The following FILIP1L variants were observed in gnomAD, a reference collection of about 807,000 sequenced individuals.
FILIP1L encodes filamin A-interacting protein 1-like.
A neutral mutation model predicts 96.6 loss-of-function variants in FILIP1L; 55 were observed. The observed-to-expected ratio is 0.57, with a 90% confidence interval of 0.46 to 0.71. The LOEUF (loss-of-function observed/expected upper bound fraction) is 0.71, where lower values mean the gene tolerates loss of function less well. Among genes scored for constraint, FILIP1L ranks in the 30% least tolerant of loss-of-function variants. The probability of loss-of-function intolerance (pLI) is 0.00; values close to 1 mark genes in which losing one functional copy is unlikely to be tolerated. For synonymous variants in FILIP1L, 467 were observed against 473.9 expected, an observed-to-expected ratio of 0.99 and a Z score of 0.19; for missense variants, 1,304 against 1,321.2, an observed-to-expected ratio of 0.99 and a Z score of 0.20.
At chr3:99,937,995 CAAAT>C (rs1707734301) in intron 1 of FILIP1L, among the ~76,000 whole-genome samples, 1 of 152,052 alleles carries the variant, frequency 6.6e-6, no homozygotes, top group African/African-American at 2.4e-5. Flanking sequence ...ATAGCAAAGA[CAAAT>C]AAATTAATAT....
intron 5 of FILIP1L, among the ~76,000 whole-genome samples, chr3:99,847,288 TTAAG>T (rs1943408121): frequency 6.6e-6 from 1 of 150,914 alleles, no homozygotes; most frequent in Admixed American, 6.6e-5. Flanking sequence ...AGCACCTACA[TTAAG>T]TAATTCAAAC....
At chr3:100,044,144 G>T (rs575807309) in intron 1 of FILIP1L, among the ~76,000 whole-genome samples, 1 of 152,228 alleles carries the variant, frequency 6.6e-6, no homozygotes, top group Non-Finnish European at 1.5e-5. Context: ...TGAGATTTGG[G>T]TTCAAATCCT....
In FILIP1L at chr3:100,086,046, G is replaced by T. The variant is rs533893637; in HGVS notation, c.-11+28007C>A. On this transcript the variant is annotated intron_variant, in intron 1 of 5. Transcript: ENST00000477258. ...TCTGCATTTGAATAAAATATGATTC[G>T]TGTTAGAGAGCTAAACTTGATGTTT... is the stretch of plus-strand genomic sequence containing the variant. Among the ~76,000 whole-genome samples, 6 of 152,284 alleles carry T rather than the reference G, an allele frequency of 3.9e-5. No individual in the cohort carries two copies. In the South Asian group the frequency reaches 1.0e-3, roughly 26 times the overall value.
rs747334884 is a variant in FILIP1L, at chr3:99,929,980, G to T, written c.302C>A (p.Ala101Asp). The change falls in exon 3 of 6, where the codon GCT becomes GAT. Residue 101 changes from alanine (A) to aspartate (D), a missense_variant. By Grantham distance (126) the Ala-to-Asp change is moderately radical. Transcript: ENST00000477258. The part of the protein sequence containing the change: ...GILKAEKMDL[A>D]LLEAQYGFVT... The stretch of plus-strand genomic sequence containing the variant: ...AAACCCATACTGAGCTTCCAGCAAA[G>T]CCAGGTCCATTTTTTCAGCCTTTAA... The T allele has an allele frequency of 6.2e-7, 1 of 1,613,916 alleles. No homozygotes were observed. The highest frequency in any genetic ancestry group is 2.2e-5 in the East Asian group (1 of 44,858).
intron 4 of FILIP1L, among the ~76,000 whole-genome samples, chr3:99,912,107 T>A (rs1706808642): frequency 6.6e-6 from 1 of 152,246 alleles, no homozygotes; most frequent in South Asian, 2.1e-4. Flanking sequence ...TTGTTGGTCA[T>A]TTAAATCAAT....
chr3:99,947,630 C>T (rs937458222), intron 1 of FILIP1L, among the ~76,000 whole-genome samples: 1 of 152,208 alleles, frequency 6.6e-6, no homozygotes, highest in Non-Finnish European at 1.5e-5. Context: ...ATGACAGTGG[C>T]TGCAGGATTT....
At chr3:99,841,689 T>C (rs1158329867) in intron 5 of FILIP1L, among the ~76,000 whole-genome samples, 2 of 152,180 alleles carry the variant, frequency 1.3e-5, no homozygotes, top group African/African-American at 4.8e-5. Context: ...AATAGACAAT[T>C]CTCAAAAGAA....
rs141908535 is a variant in FILIP1L at position 100,082,925 on chromosome 3, G to A, written c.-11+31128C>T. 7.3e-3 allele frequency among the ~76,000 whole-genome samples: 1,104 copies of A among 152,252 alleles called. 4 individuals carry two copies. The highest frequency in any genetic ancestry group is 0.01 in the African/African-American group (422 of 41,560). ...ATTCCACAATCTGTAGAATTAGCTT[G>A]CCTGTGGTTTTGAAAAAAGAACAAA... On this transcript the variant is annotated intron_variant, in intron 1 of 5. Transcript: ENST00000477258.
chr3:100,061,952 CATTGTT>C (rs2065573931), intron 1 of FILIP1L, among the ~76,000 whole-genome samples: 3 of 152,086 alleles, frequency 2.0e-5, no homozygotes, highest in African/African-American at 7.2e-5. Context: ...AGAACATTCA[CATTGTT>C]ATGCAACCAA....
At chr3:99,902,876 G>A (rs556579349) in intron 4 of FILIP1L, among the ~76,000 whole-genome samples, 1 of 152,224 alleles carries the variant, frequency 6.6e-6, no homozygotes, top group African/African-American at 2.4e-5. Flanking sequence ...ATAGATTAAA[G>A]AGGAAAAAAA....
chr3:100,014,891 C>CTTTTTTTTTTTTTTTTTTTT (rs1710284139), intron 1 of FILIP1L, among the ~76,000 whole-genome samples: 4 of 27,226 alleles, frequency 1.5e-4, no homozygotes, highest in East Asian at 9.8e-4. Flanking sequence ...TTTTTTCTTT[C>CTTTTTTTTTTTTTTTTTTTT]TTTCTTTTTT....
chr3:99,957,232 C>T (rs2107696683), intron 1 of FILIP1L, among the ~76,000 whole-genome samples: 1 of 152,184 alleles, frequency 6.6e-6, no homozygotes, highest in African/African-American at 2.4e-5. Flanking sequence ...GGTGATAAAG[C>T]ATGGAAAGTA....
chr3:99,900,498 G>A (rs752807008), intron 4 of FILIP1L, among the ~76,000 whole-genome samples: 5 of 152,154 alleles, frequency 3.3e-5, no homozygotes, highest in Non-Finnish European at 7.3e-5. Context: ...GTGCGTTCAG[G>A]GTGGTATGGC....
chr3:99,955,167 G>A (rs2107693787), intron 1 of FILIP1L, among the ~76,000 whole-genome samples: 1 of 152,266 alleles, frequency 6.6e-6, no homozygotes, highest in South Asian at 2.1e-4. Flanking sequence ...TTCTAGCAAT[G>A]GGGTGCTGTT....
intron 1 of FILIP1L, among the ~76,000 whole-genome samples, chr3:99,965,578 C>T (rs1207239492): frequency 6.6e-6 from 1 of 152,276 alleles, no homozygotes; most frequent in African/African-American, 2.4e-5. Flanking sequence ...TTTAAGCATA[C>T]CCTTAGAATG....
At chr3:100,021,791 T>C (rs1354070886) in intron 1 of FILIP1L, among the ~76,000 whole-genome samples, 1 of 152,186 alleles carries the variant, frequency 6.6e-6, no homozygotes, top group Non-Finnish European at 1.5e-5. Context: ...CTAGGTGCTT[T>C]AGATATCCCC....
chr3:99,945,634 C>T (rs1168797846), intron 1 of FILIP1L, among the ~76,000 whole-genome samples: 4 of 152,204 alleles, frequency 2.6e-5, no homozygotes, highest in Non-Finnish European at 5.9e-5. Flanking sequence ...CTAAACTAAG[C>T]TCTTTGTGTT....
At position 100,062,100 on chromosome 3, in the gene FILIP1L, T is replaced by C. The variant is rs2065579359; in HGVS notation, c.-11+51953A>G. On this transcript the variant is annotated intron_variant, in intron 1 of 5. Coordinates refer to ENST00000477258, the MANE Select transcript of FILIP1L (RefSeq NM_001387850.1). The stretch of plus-strand genomic sequence containing the variant: ...TGGTTATCCTGTCTTCTTCTTTTTT[T>C]TTTTTTTTTTTTTTTTTTTTTTTTT... Among the ~76,000 whole-genome samples, 3 of 58,384 alleles carry C rather than the reference T, an allele frequency of 5.1e-5. No homozygotes were observed. In the Admixed American group the frequency reaches 5.4e-4, roughly 10 times the overall value. The allele number at this position is 58,384 out of a possible 152,430, so 38.3% of individuals were successfully genotyped here.
At chr3:100,067,003 G>A (rs1168264225) in intron 1 of FILIP1L, among the ~76,000 whole-genome samples, 4 of 152,118 alleles carry the variant, frequency 2.6e-5, no homozygotes, top group Admixed American at 1.3e-4. Context: ...TACACATATT[G>A]AGTGAGATTC....
Sources: allele counts gnomAD v4.1 joint callset (sites outside exome capture counted in the v4.1 genomes callset), GRCh38; gene constraint gnomAD v4.1.1; transcripts MANE v1.5; gene names NCBI Gene and HGNC (gene_info 2026-07-23, HGNC 2026-07-21).